The following PNP variants were observed in gnomAD, a reference collection of about 807,000 sequenced individuals.
PNP encodes the protein purine nucleoside phosphorylase.
In PNP, 18 loss-of-function variants were observed where a neutral mutation model predicts 26.8. The ratio of observed to expected loss-of-function variants is 0.67; its 90% CI spans 0.46 to 1.00. The LOEUF is 1.00. Among genes scored for constraint, PNP ranks in the 50% least tolerant of loss-of-function variants. The pLI, the probability that PNP is intolerant of heterozygous loss-of-function variation, is 0.00. For missense variants in PNP, 320 were observed against 362.9 expected (o/e 0.88, Z 0.96); for synonymous variants, 116 against 124.8 (o/e 0.93, Z 0.47).
chr14:20,469,454 G>GCGGATCCGAT lies in PNP; in HGVS notation c.-64_-55dup. On this transcript the variant is annotated 5_prime_UTR_variant, in exon 1 of 6. Transcript: ENST00000361505. ...GCCTTGCTCAGTTCAGCATAGCGGA[G>GCGGATCCGAT]CGGATCCGATCGGATCGGAGCGGAT... 1 of 1,542,726 alleles carries GCGGATCCGAT rather than the reference G, an allele frequency of 6.5e-7. No individual in the cohort carries two copies. The highest frequency in any genetic ancestry group is 1.2e-5 in the South Asian group (1 of 83,798).
Position 20,474,775 on chromosome 14 carries a change from G to C in PNP, c.288G>C (p.Val96=), listed in dbSNP as rs750585123. The part of the protein sequence containing the change: ...HMYEGYPLWK[V]TFPVRVFHLL... Reference sequence around the variant, plus strand: ...TTTTCGGATTGTTTGCTTCGAAGGTGACATTCCCAGTGAGGGTTTTCCACC... The same window carrying C: ...TTTTCGGATTGTTTGCTTCGAAGGTCACATTCCCAGTGAGGGTTTTCCACC... Residue 96 remains valine (V), a splice_region_variant and synonymous_variant, in exon 4 of 6, where the codon GTG becomes GTC. Coordinates refer to ENST00000361505, the MANE Select transcript of PNP (RefSeq NM_000270.4). 6.2e-7 allele frequency: 1 copy of C among 1,613,922 alleles called. No homozygotes were observed.
chr14:20,474,181 C>CT, intron 2 of PNP: 1 of 376,682 alleles, frequency 2.7e-6, no homozygotes, highest in South Asian at 2.3e-5. Context: ...GGCAGTATGG[C>CT]TTGTATTATC....
intron 1 of PNP, among the ~76,000 whole-genome samples, chr14:20,471,258 C>T (rs1390646424): frequency 2.2e-5 from 3 of 139,184 alleles, no homozygotes; most frequent in African/African-American, 8.2e-5. Flanking sequence ...AACATGTTAG[C>T]CAGGATGGTC....
intron 1 of PNP, 164 bp downstream of exon 1, chr14:20,469,699 C>A: frequency 1.0e-6 from 1 of 973,048 alleles, no homozygotes; most frequent in South Asian, 1.5e-5. Context: ...GCGGCAGAGT[C>A]ATGCGGCAGC....
intron 1 of PNP, among the ~76,000 whole-genome samples, chr14:20,471,291 C>T (rs1392522305): frequency 4.7e-5 from 7 of 149,636 alleles, no homozygotes; most frequent in Non-Finnish European, 7.4e-5. Flanking sequence ...CCTCGTGATC[C>T]GCCCACCTCG....
intron 1 of PNP, among the ~76,000 whole-genome samples, chr14:20,470,909 T>A (rs1415117440): frequency 1.3e-5 from 2 of 152,204 alleles, no homozygotes; most frequent in Non-Finnish European, 2.9e-5. Context: ...TGTTTATACC[T>A]GAGAAAATAA....
chr14:20,475,860 A>G (rs1882097310), intron 5 of PNP, among the ~76,000 whole-genome samples: 1 of 152,210 alleles, frequency 6.6e-6, no homozygotes, highest in African/African-American at 2.4e-5. Context: ...GGAAGATGGA[A>G]CTCTATCATT....
chr14:20,469,842 C>G, intron 1 of PNP: 2 of 587,022 alleles, frequency 3.4e-6, no homozygotes, highest in South Asian at 2.0e-5. Context: ...GTTAGGGGAA[C>G]AAGTGGAGAG....
chr14:20,476,867 C>G lies in PNP; in HGVS notation c.*266C>G. 2.1e-6 allele frequency: 1 copy of G among 468,774 alleles called. No homozygotes were observed. The highest frequency in any genetic ancestry group is 3.9e-6 in the Non-Finnish European group (1 of 254,436). 29.0% of individuals were successfully genotyped at this position (468,774 alleles called of 1,614,324 possible). A position where few individuals can be genotyped will look rare whatever the true frequency, so the allele number is the denominator to read the frequency against. On this transcript the variant is annotated 3_prime_UTR_variant, in exon 6 of 6. Coordinates refer to ENST00000361505, the MANE Select transcript of PNP (RefSeq NM_000270.4). ...ATTCCTGTTCTTTCTTACACAAGAGCTGGAGCCCGTGCCCTACCACACATC... is the reference window on the plus strand; with the variant it reads ...ATTCCTGTTCTTTCTTACACAAGAGGTGGAGCCCGTGCCCTACCACACATC...
intron 2 of PNP, chr14:20,472,823 ATCT>A (rs1233128100): frequency 2.6e-5 from 7 of 265,302 alleles, no homozygotes; most frequent in African/African-American, 1.1e-4. Flanking sequence ...TAAGATTTCT[ATCT>A]TCTTTTCCCT....
Position 20,476,568 on chromosome 14 carries a change from G to C in PNP, c.837G>C (p.Met279Ile), listed in dbSNP as rs1293403760. The change falls in exon 6 of 6, where the codon ATG becomes ATC. Residue 279 changes from methionine to isoleucine, a missense_variant. Transcript: ENST00000361505. The stretch of plus-strand genomic sequence containing the variant: ...TGGAACAGTTTGTCTCCATTCTTAT[G>C]GCCAGCATTCCACTCCCTGACAAAG... ...QKLEQFVSILMASIPLPDKAS is the reference protein window; with the variant it reads ...QKLEQFVSILIASIPLPDKAS The C allele has an allele frequency of 6.2e-7, 1 of 1,614,026 alleles. No individual in the cohort carries two copies. Among genetic ancestry groups the C allele is most frequent in the African/African-American group, 1.3e-5 (1 of 74,900 alleles).
intron 4 of PNP, 49 bp downstream of exon 4, chr14:20,474,997 C>A (rs1348643583): frequency 6.2e-7 from 1 of 1,613,334 alleles, no homozygotes; most frequent in African/African-American, 1.3e-5. Flanking sequence ...TTAAAGACTT[C>A]TCTAGGAGCT....
intron 1 of PNP, among the ~76,000 whole-genome samples, chr14:20,471,239 CG>C (rs375022111): frequency 0.012 from 1,506 of 123,556 alleles, 16 homozygotes; most frequent in East Asian, 0.062. Flanking sequence ...TTAGTAGAGA[CG>C]GGGTTTCAAC....
chr14:20,472,485 C>G lies in PNP; in HGVS notation c.181+8C>G, dbSNP rs1469221342. On this transcript the variant is annotated splice_region_variant and intron_variant, in intron 2 of 5. Transcript: ENST00000361505. ...ACTTTCCCCGAAGTACAGGTACTGG[C>G]AAGGGAAAGTGGGGAATGGGACTGA... 1.2e-6 allele frequency: 2 copies of G among 1,612,750 alleles called. No homozygotes were observed. Among genetic ancestry groups the G allele is most frequent in the Non-Finnish European group, 1.7e-6 (2 of 1,178,922 alleles).
In PNP at chr14:20,475,117, A is replaced by C; in HGVS notation, c.517A>C (p.Arg173=). 6.2e-7 allele frequency: 1 copy of C among 1,614,198 alleles called. No individual in the cohort carries two copies. Among genetic ancestry groups the C allele is most frequent in the South Asian group, 1.1e-5 (1 of 91,084 alleles). Residue 173 remains arginine, a synonymous_variant, in exon 5 of 6, where the codon AGG becomes CGG. Coordinates refer to ENST00000361505, the MANE Select transcript of PNP (RefSeq NM_000270.4). ...TGCCTACGACCGGACTATGAGGCAGAGGGCTCTCAGTACCTGGAAACAAAT... is the reference window on the plus strand; with the variant it reads ...TGCCTACGACCGGACTATGAGGCAGCGGGCTCTCAGTACCTGGAAACAAAT... The part of the protein sequence containing the change: ...SDAYDRTMRQ[R]ALSTWKQMGE...
chr14:20,475,321 A>G (rs974837827), intron 5 of PNP, 69 bp downstream of exon 5: 8 of 1,303,434 alleles, frequency 6.1e-6, no homozygotes, highest in Admixed American at 3.8e-5. Flanking sequence ...GGGAAGGAGT[A>G]GGAAATAACA....
At chr14:20,476,281 T>G in intron 5 of PNP, 103 bp from the exon 6 acceptor site, 3 of 962,758 alleles carry the variant, frequency 3.1e-6, no homozygotes, top group Non-Finnish European at 5.1e-6. Context: ...CATCTTTGGA[T>G]GTTTTTTGAG....
intron 2 of PNP, 53 bp from the exon 3 acceptor site, chr14:20,474,419 T>G: frequency 7.0e-7 from 1 of 1,434,632 alleles, no homozygotes; most frequent in East Asian, 2.3e-5. Flanking sequence ...TTAATGGATA[T>G]GTGTTGCATG....
chr14:20,471,467 T>A lies in PNP; in HGVS notation c.12-841T>A, dbSNP rs17881280. Among the ~76,000 whole-genome samples the A allele has an allele frequency of 3.6e-3, 554 of 152,026 alleles. 6 individuals carry two copies. The highest frequency in any genetic ancestry group is 0.017 in the South Asian group (82 of 4,808). ...GTCTCACTCTGTCACCAGGCTGGAG[T>A]GCCAGAATCTGTTTTTCTAACAAGC... On this transcript the variant is annotated intron_variant, in intron 1 of 5. Coordinates refer to ENST00000361505, the MANE Select transcript of PNP (RefSeq NM_000270.4).
Sources: allele counts gnomAD v4.1 joint callset (sites outside exome capture counted in the v4.1 genomes callset), GRCh38; gene constraint gnomAD v4.1.1; transcripts MANE v1.5; gene names NCBI Gene and HGNC (gene_info 2026-07-23, HGNC 2026-07-21).